The following ZNF487 variants were observed in gnomAD, a reference collection of about 807,000 sequenced individuals.
ZNF487 encodes KRAB domain only 1.
Under a neutral mutation model 3.0 loss-of-function variants are expected in ZNF487, and 4 were observed. The observed-to-expected ratio is 1.35, with a 90% CI of 0.66 to 3.08. ZNF487 has a LOEUF of 3.08. ZNF487 is among the 30% of genes most tolerant of loss of function. ZNF487 has a pLI of 0.01. For missense variants in ZNF487, 146 were observed against 98.7 expected (o/e 1.48, Z -2.03); for synonymous variants, 55 against 34.6 (o/e 1.59, Z -2.06).
chr10:43,522,147 C>T, the ZNF487 span, among the ~76,000 whole-genome samples: 23 of 152,128 alleles, frequency 1.5e-4, no homozygotes, highest in African/African-American at 5.6e-4. Context: ...GAATTACTGT[C>T]TGGGCAATAG....
chr10:43,488,236 A>C, the ZNF487 span, among the ~76,000 whole-genome samples: 1 of 152,206 alleles, frequency 6.6e-6, no homozygotes, highest in Non-Finnish European at 1.5e-5. Flanking sequence ...TAAATATCAA[A>C]ATCCAAATTA....
chr10:43,468,190 A>C lies in ZNF487; in HGVS notation c.-93-7531A>C, dbSNP rs546254052. 1.6e-3 allele frequency among the ~76,000 whole-genome samples: 237 copies of C among 152,258 alleles called. 2 individuals carry two copies. The highest frequency in any genetic ancestry group is 5.5e-3 in the African/African-American group (228 of 41,560). ...TGCTTCTTATGCGTGAGATAAGAAA[A>C]TTGTTTCTTGTGATGTAATCTATTC... On this transcript the variant is annotated intron_variant, in intron 1 of 3. Coordinates refer to ENST00000437590, the MANE Select transcript of ZNF487 (RefSeq NM_001355444.3).
the ZNF487 span, among the ~76,000 whole-genome samples, chr10:43,504,561 C>T: frequency 2.0e-5 from 3 of 151,992 alleles, no homozygotes; most frequent in Non-Finnish European, 4.4e-5. Flanking sequence ...TCCCAAAGTG[C>T]TGGGATTACA....
intron 1 of ZNF487, among the ~76,000 whole-genome samples, chr10:43,446,156 C>A (rs543675173): frequency 6.6e-6 from 1 of 152,220 alleles, no homozygotes; most frequent in Admixed American, 6.6e-5. Flanking sequence ...ACAAAACCGC[C>A]GTCGTCATCA....
At chr10:43,478,933 G>A (rs975361273) in intron 3 of ZNF487, among the ~76,000 whole-genome samples, 1 of 148,334 alleles carries the variant, frequency 6.7e-6, no homozygotes, top group Non-Finnish European at 1.5e-5. Flanking sequence ...ATGAGATGGA[G>A]TCTCGCTTTG....
the ZNF487 span, among the ~76,000 whole-genome samples, chr10:43,522,471 T>A: frequency 6.6e-6 from 1 of 152,226 alleles, no homozygotes; most frequent in Non-Finnish European, 1.5e-5. Context: ...CGGTGGCTCA[T>A]GCCTGTAATC....
intron 1 of ZNF487, among the ~76,000 whole-genome samples, chr10:43,460,155 T>G (rs1840377200): frequency 6.6e-6 from 1 of 152,022 alleles, no homozygotes; most frequent in Non-Finnish European, 1.5e-5. Flanking sequence ...AATTTAATTA[T>G]TATTGAGATG....
the ZNF487 span, among the ~76,000 whole-genome samples, chr10:43,502,374 G>A: frequency 1.3e-5 from 2 of 152,014 alleles, no homozygotes; most frequent in African/African-American, 4.8e-5. Context: ...ACACACTGGG[G>A]CCTGTCGTGG....
At chr10:43,455,245 T>A (rs536184319) in intron 1 of ZNF487, among the ~76,000 whole-genome samples, 68 of 152,172 alleles carry the variant, frequency 4.5e-4, no homozygotes, top group African/African-American at 1.6e-3. Flanking sequence ...TCTCCTGACC[T>A]CCTGATCCGC....
At chr10:43,446,692 C>T (rs576814826) in intron 1 of ZNF487, among the ~76,000 whole-genome samples, 15 of 149,420 alleles carry the variant, frequency 1.0e-4, no homozygotes, top group Middle Eastern at 3.5e-3. Context: ...CGGGAAGAGG[C>T]GCTCCTCACT....
chr10:43,494,834 G>A, the ZNF487 span, among the ~76,000 whole-genome samples: 1 of 148,762 alleles, frequency 6.7e-6, no homozygotes, highest in Non-Finnish European at 1.5e-5. Context: ...CTACTCAGGA[G>A]GCTGAGGCAG....
chr10:43,484,071 G>A (rs1259780614), downstream of ZNF487, among the ~76,000 whole-genome samples: 1 of 151,974 alleles, frequency 6.6e-6, no homozygotes, highest in African/African-American at 2.4e-5. Flanking sequence ...GTTTCGCCAT[G>A]TTGGCGAGGC....
At chr10:43,499,297 C>A in the ZNF487 span, among the ~76,000 whole-genome samples, 4 of 151,984 alleles carry the variant, frequency 2.6e-5, no homozygotes, top group Non-Finnish European at 5.9e-5. Context: ...AAAAGCTGCA[C>A]CCCTGACCAA....
intron 1 of ZNF487, among the ~76,000 whole-genome samples, chr10:43,465,733 A>G (rs1840670945): frequency 6.7e-6 from 1 of 149,404 alleles, no homozygotes; most frequent in African/African-American, 2.5e-5. Context: ...GGCTCCTCAC[A>G]TCCCAGACGA....
Position 43,481,745 on chromosome 10 carries a change from G to C in ZNF487, c.447G>C (p.Gly149=). ...AGCGTGAGAATCCTTATGCCAGAGG[G>C]AAACCTTTGGAATATGATGGAAATG... ...CMKRENPYAR[G]KPLEYDGNGK... The change falls in exon 4 of 4, where the codon GGG becomes GGC. Residue 149 remains glycine, a synonymous_variant. Transcript: ENST00000437590. 1 of 715,940 alleles carries C rather than the reference G, an allele frequency of 1.4e-6. No individual in the cohort carries two copies. The highest frequency in any genetic ancestry group is 2.6e-6 in the Non-Finnish European group (1 of 385,080). 44.3% of individuals were successfully genotyped at this position (715,940 alleles called of 1,614,324 possible). A position where few individuals can be genotyped will look rare whatever the true frequency, so the allele number is the denominator to read the frequency against.
At chr10:43,437,809 C>T (rs1234119986) in intron 1 of ZNF487, among the ~76,000 whole-genome samples, 1 of 151,986 alleles carries the variant, frequency 6.6e-6, no homozygotes, top group Non-Finnish European at 1.5e-5. Context: ...GTTCTTCCTT[C>T]ATTAGCTTTA....
At chr10:43,456,132 AGT>A (rs942842128) in intron 1 of ZNF487, among the ~76,000 whole-genome samples, 14 of 152,208 alleles carry the variant, frequency 9.2e-5, no homozygotes, top group African/African-American at 3.1e-4. Context: ...CCGTCCAGCC[AGT>A]GTGTCCTCAG....
At chr10:43,458,762 A>T (rs567945470) in intron 1 of ZNF487, among the ~76,000 whole-genome samples, 68 of 152,038 alleles carry the variant, frequency 4.5e-4, no homozygotes, top group Middle Eastern at 3.4e-3. Context: ...GTGTGGGTCG[A>T]GTACTCAGTC....
chr10:43,464,197 G>T (rs12571965), intron 1 of ZNF487, among the ~76,000 whole-genome samples: 6,068 of 82,242 alleles, frequency 0.074, 86 homozygotes, highest in Non-Finnish European at 0.097. Context: ...TTTTTTTTTT[G>T]TTTTGAGACA....
Sources: gnomAD v4.1 joint callset for allele counts (sites outside exome capture counted in the v4.1 genomes callset) on GRCh38, gnomAD v4.1.1 for gene constraint, MANE v1.5 for transcripts, NCBI Gene and HGNC (gene_info 2026-07-23, HGNC 2026-07-21) for gene names.